The following IL1RAPL1 variants were observed in gnomAD, a reference collection of about 807,000 sequenced individuals.
IL1RAPL1 encodes the protein interleukin 1 receptor accessory protein like 1.
In IL1RAPL1, 3 loss-of-function variants were observed where a neutral mutation model predicts 48.4. The observed-to-expected ratio is 0.06, with a 90% CI of 0.03 to 0.16. The LOEUF (loss-of-function observed/expected upper bound fraction) is 0.16. Among genes scored for constraint, IL1RAPL1 ranks in the 10% least tolerant of loss-of-function variants. The pLI is 1.00. For missense variants in IL1RAPL1, 349 were observed against 530.6 expected (o/e 0.66, Z 3.36); for synonymous variants, 185 against 187.7 (o/e 0.99, Z 0.12).
Position 29,138,255 on chromosome X carries a change from T to C in IL1RAPL1, c.83-144683T>C, listed in dbSNP as rs190958773. On this transcript the variant is annotated intron_variant, in intron 2 of 10. Coordinates refer to ENST00000378993, the MANE Select transcript of IL1RAPL1 (RefSeq NM_014271.4). Reference sequence around the variant, plus strand: ...ATCTTTGATTTTATATTAAAATAACTTATCACCCTTTACTGCATGATATCA... The same window carrying C: ...ATCTTTGATTTTATATTAAAATAACCTATCACCCTTTACTGCATGATATCA... Among the ~76,000 whole-genome samples the C allele has an allele frequency of 6.3e-3, 706 of 112,023 alleles. 9 individuals are homozygous for C. Among genetic ancestry groups the C allele is most frequent in the African/African-American group, 0.022 (688 of 30,887 alleles).
chrX:28,721,212 A>G (rs1416771850), intron 1 of IL1RAPL1, among the ~76,000 whole-genome samples: 1 of 112,076 alleles, frequency 8.9e-6, no homozygotes, highest in African/African-American at 3.2e-5. Flanking sequence ...TCCCACCAAC[A>G]GTGTTAAAGT....
intron 2 of IL1RAPL1, among the ~76,000 whole-genome samples, chrX:29,235,438 G>A (rs920624114): frequency 9.1e-6 from 1 of 109,687 alleles, no homozygotes; most frequent in Non-Finnish European, 1.9e-5. Flanking sequence ...CTTTTTTCTC[G>A]TTACAAATTT....
intron 2 of IL1RAPL1, among the ~76,000 whole-genome samples, chrX:28,851,802 A>G (rs17333776): frequency 0.058 from 6,492 of 112,154 alleles, 355 homozygotes; most frequent in East Asian, 0.25. Flanking sequence ...TGACACCATC[A>G]ACATATTGCT....
intron 2 of IL1RAPL1, among the ~76,000 whole-genome samples, chrX:29,251,452 G>A (rs1277995092): frequency 9.0e-6 from 1 of 111,360 alleles, no homozygotes; most frequent in Non-Finnish European, 1.9e-5. Context: ...GTGTATGCAG[G>A]AGTAGGACAG....
At position 29,661,347 on chromosome X, in the gene IL1RAPL1, C is replaced by T. The variant is rs191965663; in HGVS notation, c.704-7083C>T. On this transcript the variant is annotated intron_variant, in intron 5 of 10. Transcript: ENST00000378993. Reference sequence around the variant, plus strand: ...GCCTAATTGTTTTTACAAAGACTTGCAGTACTATGTTGAATACAAGTGGTA... The same window carrying T: ...GCCTAATTGTTTTTACAAAGACTTGTAGTACTATGTTGAATACAAGTGGTA... Among the ~76,000 whole-genome samples the T allele has an allele frequency of 1.5e-3, 167 of 112,302 alleles. 2 individuals carry two copies. Among genetic ancestry groups the T allele is most frequent in the African/African-American group, 5.1e-3 (159 of 30,948 alleles).
intron 2 of IL1RAPL1, among the ~76,000 whole-genome samples, chrX:29,018,843 G>A (rs1350683687): frequency 8.9e-6 from 1 of 111,942 alleles, no homozygotes; most frequent in Admixed American, 9.5e-5. Context: ...TTGTATTAGT[G>A]CTTGCCAGGT....
intron 5 of IL1RAPL1, among the ~76,000 whole-genome samples, chrX:29,565,462 A>G (rs1922369490): frequency 8.9e-6 from 1 of 112,213 alleles, no homozygotes; most frequent in Non-Finnish European, 1.9e-5. Context: ...CTTATTTATT[A>G]ATAATGAACA....
intron 6 of IL1RAPL1, among the ~76,000 whole-genome samples, chrX:29,856,912 C>T (rs1931488416): frequency 1.8e-5 from 2 of 111,415 alleles, no homozygotes; most frequent in South Asian, 7.5e-4. Context: ...CCAAGTAGCT[C>T]TACTTAAACT....
At chrX:29,868,897 A>C (rs1931750602) in intron 6 of IL1RAPL1, among the ~76,000 whole-genome samples, 1 of 111,882 alleles carries the variant, frequency 8.9e-6, no homozygotes, top group Non-Finnish European at 1.9e-5. Context: ...TCAATACCCC[A>C]CATCTGAGAG....
At chrX:29,518,630 A>G (rs187870909) in intron 5 of IL1RAPL1, among the ~76,000 whole-genome samples, 1 of 111,490 alleles carries the variant, frequency 9.0e-6, no homozygotes, top group East Asian at 2.8e-4. Flanking sequence ...TGTGCCTGAC[A>G]AGGAGGTCAG....
chrX:28,637,928 A>C (rs1174783427), intron 1 of IL1RAPL1, among the ~76,000 whole-genome samples: 3 of 112,093 alleles, frequency 2.7e-5, no homozygotes, highest in African/African-American at 9.7e-5. Context: ...TCATCCCCAA[A>C]ACCATACTTT....
chrX:28,936,720 C>T (rs996351737), intron 2 of IL1RAPL1, among the ~76,000 whole-genome samples: 2 of 110,740 alleles, frequency 1.8e-5, no homozygotes, highest in Non-Finnish European at 3.8e-5. Context: ...ATAACACTTC[C>T]ATGAGCTTCA....
chrX:29,956,221 G>A lies in IL1RAPL1; in HGVS notation c.*401G>A, dbSNP rs1053324977. On this transcript the variant is annotated 3_prime_UTR_variant, in exon 11 of 11. Transcript: ENST00000378993. Reference sequence around the variant, plus strand: ...TTGGGGTGCTTGGACAAATCTATCCGATGGGACAAGGAGCACCGGATTCTT... The same window carrying A: ...TTGGGGTGCTTGGACAAATCTATCCAATGGGACAAGGAGCACCGGATTCTT... The A allele has an allele frequency of 6.1e-5, 10 of 163,252 alleles. No individual in the cohort carries two copies. The highest frequency in any genetic ancestry group is 4.9e-4 in the East Asian group (3 of 6,073). The allele number at this position is 163,252 out of a possible 1,213,427, so 13.5% of individuals were successfully genotyped here.
intron 2 of IL1RAPL1, among the ~76,000 whole-genome samples, chrX:29,243,480 C>G (rs1194911291): frequency 9.0e-6 from 1 of 111,686 alleles, no homozygotes; most frequent in Admixed American, 9.5e-5. Flanking sequence ...CTGTCACCCT[C>G]TCTCTGGGAC....
At chrX:29,924,444 C>T (rs1350840800) in intron 8 of IL1RAPL1, among the ~76,000 whole-genome samples, 1 of 111,970 alleles carries the variant, frequency 8.9e-6, no homozygotes, top group Non-Finnish European at 1.9e-5. Context: ...GACTAAGAAC[C>T]TACTATGTGC....
At chrX:29,129,588 A>ATTTTTTTTT (rs754196116) in intron 2 of IL1RAPL1, among the ~76,000 whole-genome samples, 29 of 59,854 alleles carry the variant, frequency 4.8e-4, no homozygotes, top group Non-Finnish European at 7.5e-4. Context: ...AATAATGTAA[A>ATTTTTTTTT]TTTTTTTTTT....
intron 2 of IL1RAPL1, among the ~76,000 whole-genome samples, chrX:29,037,190 A>G (rs1017330256): frequency 8.9e-6 from 1 of 112,122 alleles, no homozygotes; most frequent in African/African-American, 3.2e-5. Flanking sequence ...ATTTCTTGCC[A>G]GCTAAAAGAG....
intron 6 of IL1RAPL1, among the ~76,000 whole-genome samples, chrX:29,684,012 G>C (rs1273411757): frequency 2.7e-5 from 3 of 111,760 alleles, no homozygotes; most frequent in African/African-American, 9.8e-5. Flanking sequence ...TAATTGGATT[G>C]TTTGTAACTC....
chrX:29,891,452 A>G (rs1456078858), intron 6 of IL1RAPL1, among the ~76,000 whole-genome samples: 1 of 111,571 alleles, frequency 9.0e-6, no homozygotes, highest in East Asian at 2.8e-4. Context: ...ACTTGGAGAC[A>G]TGGCTATTGA....
Sources: gnomAD v4.1 joint callset for allele counts (sites outside exome capture counted in the v4.1 genomes callset) on GRCh38, gnomAD v4.1.1 for gene constraint, MANE v1.5 for transcripts, NCBI Gene and HGNC (gene_info 2026-07-23, HGNC 2026-07-21) for gene names.